MEGF10: variants seen among roughly 807,000 people sequenced by gnomAD.
MEGF10 encodes multiple EGF like domains 10, also known as multiple epidermal growth factor-like domains protein 10.
A neutral mutation model predicts 147.5 loss-of-function variants in MEGF10; 86 were observed. The observed-to-expected ratio is 0.58, with a 90% confidence interval of 0.49 to 0.70. The LOEUF is 0.70. Ranked by LOEUF, MEGF10 falls within the 30% of genes least tolerant of loss-of-function variation. The pLI, the probability that MEGF10 is intolerant of heterozygous loss-of-function variation, is 0.00. For synonymous variants in MEGF10, 478 were observed against 525.5 expected (o/e 0.91, Z 1.24); for missense variants, 1,329 against 1,487.3 (o/e 0.89, Z 1.75).
Position 127,398,660 on chromosome 5 carries a change from CAT to C in MEGF10, c.660-15_660-14del. The stretch of plus-strand genomic sequence containing the variant: ...TGGGAAATAACAGTGTCCTTTGTCA[CAT>C]GTTAATCCCTCAGCTGTGAGGATCT... On this transcript the variant is annotated splice_polypyrimidine_tract_variant and intron_variant, in intron 6 of 24. Coordinates refer to ENST00000503335, the MANE Select transcript of MEGF10 (RefSeq NM_001256545.2). The C allele has an allele frequency of 6.2e-7, 1 of 1,614,000 alleles. No individual in the cohort carries two copies. Among genetic ancestry groups the C allele is most frequent in the Non-Finnish European group, 8.5e-7 (1 of 1,179,948 alleles).
chr5:127,362,989 C>T (rs1326665744), intron 4 of MEGF10, among the ~76,000 whole-genome samples: 1 of 152,140 alleles, frequency 6.6e-6, no homozygotes, highest in Non-Finnish European at 1.5e-5. Flanking sequence ...TAACTGTTCT[C>T]ACATTGTAAT....
the MEGF10 span, among the ~76,000 whole-genome samples, chr5:127,233,200 G>C: frequency 6.6e-6 from 1 of 152,170 alleles, no homozygotes; most frequent in Admixed American, 6.5e-5. Flanking sequence ...CAAGGGTACA[G>C]CCTCCCTAGC....
At chr5:127,359,188 T>C (rs1179613725) in intron 4 of MEGF10, among the ~76,000 whole-genome samples, 2 of 152,128 alleles carry the variant, frequency 1.3e-5, no homozygotes, top group Admixed American at 1.3e-4. Context: ...GCCAATACCT[T>C]CATAGGCATT....
intron 1 of MEGF10, among the ~76,000 whole-genome samples, chr5:127,319,318 C>T (rs1760702296): frequency 6.6e-6 from 1 of 152,120 alleles, no homozygotes; most frequent in Non-Finnish European, 1.5e-5. Flanking sequence ...TCAAGTGATC[C>T]ACCTACCTCG....
At chr5:127,441,045 C>T (rs1266300556) in intron 18 of MEGF10, among the ~76,000 whole-genome samples, 178 bp downstream of exon 18, 2 of 152,188 alleles carry the variant, frequency 1.3e-5, no homozygotes, top group South Asian at 2.1e-4. Context: ...CTGGGATCAT[C>T]GCTGGTTACT....
At chr5:127,345,934 C>A (rs980846588) in intron 4 of MEGF10, among the ~76,000 whole-genome samples, 3 of 152,132 alleles carry the variant, frequency 2.0e-5, no homozygotes, top group African/African-American at 7.2e-5. Context: ...CTTAATAAGA[C>A]AGAATATACA....
At chr5:127,449,696 G>C (rs1240948280) in intron 22 of MEGF10, among the ~76,000 whole-genome samples, 1 of 152,106 alleles carries the variant, frequency 6.6e-6, no homozygotes, top group Non-Finnish European at 1.5e-5. Context: ...TTTTGATATA[G>C]GGTATCTGTA....
chr5:127,373,920 C>T, intron 5 of MEGF10, among the ~76,000 whole-genome samples: 1 of 152,194 alleles, frequency 6.6e-6, no homozygotes, highest in Non-Finnish European at 1.5e-5. Flanking sequence ...GTGGTACTAT[C>T]CTAGCAGAAC....
At chr5:127,370,079 C>A in intron 5 of MEGF10, 77 bp downstream of exon 5, 1 of 1,044,780 alleles carries the variant, frequency 9.6e-7, no homozygotes, top group Non-Finnish European at 1.5e-6. Context: ...TGACCCTGAG[C>A]CATGCTTTCC....
In MEGF10 at chr5:127,402,723, T is replaced by C. The variant is rs757110387; in HGVS notation, c.917+41T>C. 8 of 1,606,614 alleles carry C rather than the reference T, an allele frequency of 5.0e-6. No homozygotes were observed. The Admixed American group carries it at 1.3e-4, about 27-fold the overall frequency. ...GTATTTCTCTGACTGTTTATAATGATGTGAAAGGAAAGTTTGTAGGGTCCG... is the reference window on the plus strand; with the variant it reads ...GTATTTCTCTGACTGTTTATAATGACGTGAAAGGAAAGTTTGTAGGGTCCG... On this transcript the variant is annotated intron_variant, in intron 8 of 24. Coordinates refer to ENST00000503335, the MANE Select transcript of MEGF10 (RefSeq NM_001256545.2).
the MEGF10 span, among the ~76,000 whole-genome samples, chr5:127,259,596 G>A: frequency 6.6e-6 from 1 of 152,068 alleles, no homozygotes; most frequent in Non-Finnish European, 1.5e-5. Context: ...GGCTTATACT[G>A]CTGTATCCCC....
In MEGF10 at chr5:127,447,585, C is replaced by G; in HGVS notation, c.2757C>G (p.Asn919Lys). The stretch of plus-strand genomic sequence containing the variant: ...CCCTTCCTCACAGCAATGGTGGAAA[C>G]GCTAATAGCCACTACTTCACCAATC... ...SGTLPHSNGG[N>K]ANSHYFTNPS... The change falls in exon 21 of 25, where the codon AAC becomes AAG. Residue 919 changes from asparagine (N) to lysine (K), a missense_variant. Around this residue, in one of 3 missense-constraint regions of MEGF10, gnomAD observed 343 missense variants for 377.9 expected, o/e 0.91. Coordinates refer to ENST00000503335, the MANE Select transcript of MEGF10 (RefSeq NM_001256545.2). 6.2e-7 allele frequency: 1 copy of G among 1,614,118 alleles called. No individual in the cohort carries two copies. The highest frequency in any genetic ancestry group is 8.5e-7 in the Non-Finnish European group (1 of 1,179,988).
chr5:127,452,877 C>T (rs1766207789), intron 22 of MEGF10, among the ~76,000 whole-genome samples: 1 of 152,186 alleles, frequency 6.6e-6, no homozygotes, highest in Admixed American at 6.5e-5. Flanking sequence ...AACCGTGTGC[C>T]CTTCCCCCCA....
chr5:127,459,775 A>T lies in MEGF10; in HGVS notation c.*2457A>T, dbSNP rs1236667221. The T allele has an allele frequency of 6.6e-6, 1 of 152,204 alleles. No individual in the cohort carries two copies. The highest frequency in any genetic ancestry group is 1.5e-5 in the Non-Finnish European group (1 of 68,044). 9.4% of individuals were successfully genotyped at this position (152,204 alleles called of 1,614,324 possible). On this transcript the variant is annotated 3_prime_UTR_variant, in exon 25 of 25. Transcript: ENST00000503335. ...TTGTACCTGAGGCAATTCTTATTAG[A>T]GCTTACTCAGGACTTTTCAAACATC...
chr5:127,242,161 A>C, the MEGF10 span, among the ~76,000 whole-genome samples: 1 of 152,216 alleles, frequency 6.6e-6, no homozygotes, highest in Non-Finnish European at 1.5e-5. Flanking sequence ...TAAGACATAC[A>C]ACAGGCAGCT....
rs1345310021 is a variant in MEGF10, at chr5:127,435,425, C to A, written c.2040C>A (p.Thr680=). ...AGICTCTNNG[T]CNPIDRSCQC... The stretch of plus-strand genomic sequence containing the variant: ...TTTGTACCTGCACCAACAACGGAAC[C>A]TGTAACCCCATTGACAGATCTTGTC... Residue 680 remains threonine, a synonymous_variant, in exon 16 of 25, where the codon ACC becomes ACA. Transcript: ENST00000503335. The A allele has an allele frequency of 6.2e-7, 1 of 1,614,130 alleles. No homozygotes were observed. Among genetic ancestry groups the A allele is most frequent in the Admixed American group, 1.7e-5 (1 of 60,026 alleles).
intron 4 of MEGF10, among the ~76,000 whole-genome samples, chr5:127,364,250 C>T (rs888281554): frequency 6.6e-6 from 1 of 152,186 alleles, no homozygotes; most frequent in African/African-American, 2.4e-5. Context: ...TCAATACAAC[C>T]CCTGTACCTA....
chr5:127,286,381 C>A (rs891170787), upstream of MEGF10, among the ~76,000 whole-genome samples: 17 of 152,018 alleles, frequency 1.1e-4, no homozygotes, highest in Admixed American at 4.6e-4. Context: ...CCCCTTGTAA[C>A]ATACTCTATG....
chr5:127,279,828 A>C, the MEGF10 span, among the ~76,000 whole-genome samples: 1 of 152,204 alleles, frequency 6.6e-6, no homozygotes, highest in African/African-American at 2.4e-5. Context: ...TGCATGCACA[A>C]TACAATTGAT....
Sources: gnomAD v4.1 joint callset for allele counts (sites outside exome capture counted in the v4.1 genomes callset) on GRCh38, gnomAD v4.1.1 for gene constraint, gnomAD v4.1.1 regional missense constraint, MANE v1.5 for transcripts, NCBI Gene and HGNC (gene_info 2026-07-23, HGNC 2026-07-21) for gene names.